The following PCGF3 variants were observed in gnomAD, a reference collection of about 807,000 sequenced individuals.
PCGF3 encodes polycomb group ring finger 3.
Under a neutral mutation model 33.1 loss-of-function variants are expected in PCGF3, and 7 were observed. The observed-to-expected ratio is 0.21, with a 90% CI of 0.12 to 0.40. The LOEUF is 0.40. Among genes scored for constraint, PCGF3 ranks in the 10% least tolerant of loss-of-function variants. The pLI is 1.00. For synonymous variants in PCGF3, 153 were observed against 121.3 expected (o/e 1.26, Z -1.72); for missense variants, 211 against 313.3 (o/e 0.67, Z 2.46).
At chr4:736,825 C>T (rs549787673) in intron 5 of PCGF3, among the ~76,000 whole-genome samples, 2 of 137,892 alleles carry the variant, frequency 1.5e-5, no homozygotes, top group East Asian at 4.5e-4. Flanking sequence ...GACAGTGTCG[C>T]GGGGAACCTG....
intron 9 of PCGF3, 43 bp downstream of exon 9, chr4:761,459 T>C: frequency 6.6e-7 from 1 of 1,523,732 alleles, no homozygotes; most frequent in South Asian, 1.2e-5. Context: ...AAGTCCTCTC[T>C]TATTTCTAAA....
chr4:761,650 G>C (rs1745065585), intron 9 of PCGF3: 2 of 984,760 alleles, frequency 2.0e-6, no homozygotes, highest in Non-Finnish European at 2.4e-6. Flanking sequence ...GAGAGAACTA[G>C]GGCGGGGATG....
intron 2 of PCGF3, 24 bp from the exon 3 acceptor site, chr4:730,942 GAACT>G: frequency 5.0e-6 from 2 of 398,236 alleles, no homozygotes; most frequent in Non-Finnish European, 8.9e-6. Context: ...GACGCGAAGT[GAACT>G]AACAGGTGCC....
intron 9 of PCGF3, chr4:764,477 C>T (rs947951946): frequency 6.5e-6 from 1 of 153,546 alleles, no homozygotes; most frequent in African/African-American, 2.4e-5. Flanking sequence ...GCCCTATGGG[C>T]CTCTCAGGCA....
chr4:764,480 C>G (rs1179316975), intron 9 of PCGF3: 2 of 153,766 alleles, frequency 1.3e-5, no homozygotes, highest in Non-Finnish European at 2.9e-5. Flanking sequence ...CTATGGGCCT[C>G]TCAGGCACCT....
chr4:713,106 C>T (rs1246685383), intron 1 of PCGF3, among the ~76,000 whole-genome samples: 2 of 144,938 alleles, frequency 1.4e-5, no homozygotes, highest in Non-Finnish European at 3.0e-5. Flanking sequence ...TTCGTGGGTC[C>T]TGTGTGGTCT....
chr4:744,115 C>T (rs150483411), intron 7 of PCGF3, among the ~76,000 whole-genome samples: 173 of 152,300 alleles, frequency 1.1e-3, no homozygotes, highest in African/African-American at 3.6e-3. Flanking sequence ...CACGGCTTTG[C>T]GGGTCCCAGG....
intron 8 of PCGF3, among the ~76,000 whole-genome samples, chr4:752,738 T>A (rs1744581071): frequency 6.6e-6 from 1 of 152,188 alleles, no homozygotes; most frequent in African/African-American, 2.4e-5. Flanking sequence ...CCCGGGGTCT[T>A]CCCACCAGAC....
intron 8 of PCGF3, among the ~76,000 whole-genome samples, chr4:747,796 A>G (rs1048404188): frequency 1.3e-5 from 2 of 152,192 alleles, no homozygotes; most frequent in Admixed American, 6.5e-5. Flanking sequence ...GGCTCACACC[A>G]GAAACCTTCC....
At chr4:719,444 A>G (rs937826273) in intron 1 of PCGF3, among the ~76,000 whole-genome samples, 2 of 152,240 alleles carry the variant, frequency 1.3e-5, no homozygotes, top group Non-Finnish European at 2.9e-5. Context: ...GGCGCAGCTC[A>G]GGAACATGGT....
chr4:750,118 G>T (rs142112006), intron 8 of PCGF3, among the ~76,000 whole-genome samples: 2 of 152,350 alleles, frequency 1.3e-5, no homozygotes, highest in African/African-American at 4.8e-5. Flanking sequence ...CTTTGTAAGC[G>T]CATTTCCGGC....
At chr4:737,332 G>C in intron 5 of PCGF3, 134 bp from the exon 6 acceptor site, 1 of 662,812 alleles carries the variant, frequency 1.5e-6, no homozygotes, top group South Asian at 1.9e-5. Context: ...ATTTTTTCAT[G>C]TGTAAACTAG....
At chr4:711,952 A>G (rs1478667145) in intron 1 of PCGF3, among the ~76,000 whole-genome samples, 2 of 43,264 alleles carry the variant, frequency 4.6e-5, no homozygotes, top group Non-Finnish European at 8.4e-5. Context: ...ACTCTGTCTG[A>G]AAAAAAAATA....
Position 727,233 on chromosome 4 carries a change from C to CTTTTTTTTTT in PCGF3, c.-189-3381_-189-3372dup, listed in dbSNP as rs57690550. ...AGAGGATGTGTGTGTTAGCGAGCGT[C>CTTTTTTTTTT]TTTTTTTTTTTTTTTTTTTTTTTTT... On this transcript the variant is annotated intron_variant, in intron 1 of 10. Coordinates refer to ENST00000362003, the Ensembl canonical transcript of PCGF3. 1.2e-3 allele frequency among the ~76,000 whole-genome samples: 76 copies of CTTTTTTTTTT among 61,898 alleles called. 8 individuals are homozygous for CTTTTTTTTTT. Among genetic ancestry groups the CTTTTTTTTTT allele is most frequent in the Non-Finnish European group, 1.8e-3 (61 of 34,632 alleles). 40.6% of individuals were successfully genotyped at this position (61,898 alleles called of 152,430 possible).
intron 6 of PCGF3, among the ~76,000 whole-genome samples, chr4:742,245 CCT>C (rs1184283553): frequency 1.3e-5 from 2 of 151,676 alleles, no homozygotes; most frequent in Admixed American, 6.6e-5. Flanking sequence ...GGGGTCCCCT[CCT>C]CTCTCTGCCC....
intron 1 of PCGF3, among the ~76,000 whole-genome samples, chr4:715,685 A>C (rs1412606389): frequency 6.3e-5 from 8 of 126,586 alleles, no homozygotes; most frequent in Admixed American, 8.1e-5. Context: ...TGAGTGTGAG[A>C]ACTGGGCGTC....
chr4:720,960 G>C lies in PCGF3; in HGVS notation c.-189-9670G>C, dbSNP rs574233177. On this transcript the variant is annotated intron_variant, in intron 1 of 10. Transcript: ENST00000362003. This position sits in a 1 kb window ranked among gnomAD's most constrained non-coding sequence, Gnocchi z 5.6. ...ACCACTTGGACGGGAGCTCTGGCAT[G>C]GTCCAGGGAGTGGCCGAGGACAGCA... 6.6e-6 allele frequency among the ~76,000 whole-genome samples: 1 copy of C among 152,266 alleles called. No homozygotes were observed. Among genetic ancestry groups the C allele is most frequent in the South Asian group, 2.1e-4 (1 of 4,824 alleles).
intron 4 of PCGF3, chr4:734,253 G>C: frequency 6.8e-7 from 1 of 1,480,708 alleles, no homozygotes; most frequent in Middle Eastern, 2.4e-4. Flanking sequence ...TGTGGCTACC[G>C]CTGACGGGCA....
chr4:732,683 G>C (rs928651410), intron 3 of PCGF3, among the ~76,000 whole-genome samples: 1 of 152,170 alleles, frequency 6.6e-6, no homozygotes, highest in Non-Finnish European at 1.5e-5. Flanking sequence ...CCTCTTGGTG[G>C]CGGTGATGAC....
Sources: allele counts gnomAD v4.1 joint callset (sites outside exome capture counted in the v4.1 genomes callset), GRCh38; gene constraint gnomAD v4.1.1; non-coding constraint Gnocchi (gnomAD v3.1); transcripts MANE v1.5; gene names NCBI Gene and HGNC (gene_info 2026-07-23, HGNC 2026-07-21).